LIAS: variants seen among roughly 807,000 people sequenced by gnomAD.
LIAS encodes the protein lipoyl synthase, mitochondrial.
In LIAS, 36 loss-of-function variants were observed where a neutral mutation model predicts 49.4. The ratio of observed to expected loss-of-function variants is 0.73; its 90% CI spans 0.56 to 0.96. The LOEUF (loss-of-function observed/expected upper bound fraction) is 0.96. Among genes scored for constraint, LIAS ranks in the 40% least tolerant of loss-of-function variants. The pLI is 0.00. For missense variants in LIAS, 399 were observed against 456.3 expected (o/e 0.87, Z 1.14); for synonymous variants, 145 against 155.8 (o/e 0.93, Z 0.52).
chr4:39,459,090 C>T lies in LIAS; in HGVS notation c.-28C>T, dbSNP rs776875932. The T allele has an allele frequency of 1.3e-5, 21 of 1,613,978 alleles. No individual in the cohort carries two copies. The highest frequency in any genetic ancestry group is 1.6e-5 in the Non-Finnish European group (19 of 1,179,858). ...CCCGGGAGTTAGCGATCCCTCAACC[C>T]CTGCACTGCGCTAGTCCTAAAGAGG... On this transcript the variant is annotated 5_prime_UTR_variant, in exon 1 of 11. Transcript: ENST00000640888.
chr4:39,471,817 C>T (rs747377133), intron 9 of LIAS, among the ~76,000 whole-genome samples: 10 of 151,940 alleles, frequency 6.6e-5, no homozygotes, highest in South Asian at 2.1e-4. Context: ...CGTGAGCCAC[C>T]GCACCCAGCC....
At chr4:39,473,079 G>A (rs1221385655) in intron 9 of LIAS, 21 bp from the exon 10 acceptor site, 5 of 1,352,044 alleles carry the variant, frequency 3.7e-6, no homozygotes, top group Non-Finnish European at 5.3e-6. Flanking sequence ...AATCTGATCA[G>A]AAGTAATTAT....
At chr4:39,470,894 G>A (rs537631636) in intron 8 of LIAS, among the ~76,000 whole-genome samples, 1 of 151,952 alleles carries the variant, frequency 6.6e-6, no homozygotes, top group Admixed American at 6.6e-5. Context: ...TAATATAGGT[G>A]CATTGAGGTT....
chr4:39,470,373 A>C (rs1744937294), intron 8 of LIAS, among the ~76,000 whole-genome samples: 1 of 151,928 alleles, frequency 6.6e-6, no homozygotes. Flanking sequence ...TTGGAATTTC[A>C]TGGAGTGATA....
chr4:39,459,854 C>G (rs1350518381), intron 1 of LIAS, among the ~76,000 whole-genome samples: 1 of 151,716 alleles, frequency 6.6e-6, no homozygotes, highest in Non-Finnish European at 1.5e-5. Context: ...CAGCTACTCG[C>G]CAGGCTGAGG....
At chr4:39,465,844 A>C (rs891194258) in intron 6 of LIAS, among the ~76,000 whole-genome samples, 4 of 151,998 alleles carry the variant, frequency 2.6e-5, no homozygotes, top group Non-Finnish European at 5.9e-5. Context: ...CTTTTAGTAG[A>C]GATAGGGTTT....
chr4:39,459,250 A>G (rs1366632674), intron 1 of LIAS, 88 bp downstream of exon 1: 1 of 1,213,606 alleles, frequency 8.2e-7, no homozygotes, highest in African/African-American at 1.5e-5. Flanking sequence ...AGGCCAGTGC[A>G]TTTACTGAAC....
chr4:39,471,736 G>A (rs527464539), intron 9 of LIAS, among the ~76,000 whole-genome samples: 3 of 150,588 alleles, frequency 2.0e-5, no homozygotes, highest in African/African-American at 7.4e-5. Flanking sequence ...ATGTTGCCCA[G>A]GCTGGTCTCG....
intron 2 of LIAS, among the ~76,000 whole-genome samples, chr4:39,461,344 A>G (rs1744490078): frequency 6.6e-6 from 1 of 152,206 alleles, no homozygotes; most frequent in African/African-American, 2.4e-5. Context: ...TAAAAGAATG[A>G]TGGAATTTTA....
rs2125314 is a variant in LIAS, at chr4:39,471,222, T to A, written c.884-14T>A. ...AAGTATTTGCTAATGTAATTTGTGC[T>A]TTTCTTCCTACAGCACTTCGTGAGG... On this transcript the variant is annotated splice_polypyrimidine_tract_variant and intron_variant, in intron 8 of 10. Transcript: ENST00000640888. 564,997 of 1,588,504 alleles carry A rather than the reference T, an allele frequency of 0.36. 104,440 individuals are homozygous for A. The highest frequency in any genetic ancestry group is 0.44 in the South Asian group (39,645 of 89,586).
rs781634537 is a variant in LIAS at position 39,460,798 on chromosome 4, G to A, written c.54G>A (p.Gly18=). ...ATTAACTCTTTCTTTAGGTATTTGGGAGATATTTTTGCAGCCCAGTCAGAC... is the reference window on the plus strand; with the variant it reads ...ATTAACTCTTTCTTTAGGTATTTGGAAGATATTTTTGCAGCCCAGTCAGAC... ...AARTLGPRVF[G]RYFCSPVRPL... is the part of the protein sequence containing the mutation. The change falls in exon 2 of 11, where the codon GGG becomes GGA. Residue 18 remains glycine, a synonymous_variant. Coordinates refer to ENST00000640888, the MANE Select transcript of LIAS (RefSeq NM_006859.4). 4 of 1,573,052 alleles carry A rather than the reference G, an allele frequency of 2.5e-6. No homozygotes were observed. The South Asian group carries it at 3.6e-5, about 14-fold the overall frequency.
At position 39,465,323 on chromosome 4, in the gene LIAS, G is replaced by C. The variant is rs143321910; in HGVS notation, c.589G>C (p.Val197Leu). 6.2e-7 allele frequency: 1 copy of C among 1,610,392 alleles called. No homozygotes were observed. The highest frequency in any genetic ancestry group is 1.1e-5 in the South Asian group (1 of 90,136). ...GGGAGCTGAACACATTGCAAAGACC[G>C]TATCATATTTAAAGGAAAGGTACTT... is the stretch of plus-strand genomic sequence containing the variant. ...DGGAEHIAKTVSYLKERNPKI... is the reference protein window; with the variant it reads ...DGGAEHIAKTLSYLKERNPKI... The change falls in exon 6 of 11, where the codon GTA becomes CTA. Residue 197 changes from valine (V) to leucine (L), a missense_variant. Physicochemically the swap from Val to Leu is conservative, Grantham distance 32 (BLOSUM62 1). Transcript: ENST00000640888.
intron 7 of LIAS, chr4:39,468,431 A>G (rs1052690118): frequency 4.0e-5 from 6 of 150,748 alleles, no homozygotes; most frequent in Admixed American, 2.7e-4. Flanking sequence ...CAGTGAGGTG[A>G]GATTGCGCCA....
chr4:39,470,331 TAA>T (rs33923717), intron 8 of LIAS, among the ~76,000 whole-genome samples, 167 bp downstream of exon 8: 2 of 141,320 alleles, frequency 1.4e-5, no homozygotes, highest in East Asian at 2.0e-4. Context: ...AAATACAAGT[TAA>T]AAAAAAAAAA....
intron 9 of LIAS, among the ~76,000 whole-genome samples, chr4:39,472,459 G>A (rs560823471): frequency 3.6e-4 from 55 of 152,250 alleles, no homozygotes; most frequent in Non-Finnish European, 2.1e-4. Flanking sequence ...AATCAGCTAC[G>A]TTTGCACATA....
At chr4:39,467,125 TCA>T in intron 6 of LIAS, 1 of 152,532 alleles carries the variant, frequency 6.6e-6, no homozygotes, top group African/African-American at 2.4e-5. Context: ...CAAATAATAC[TCA>T]CATTTATATA....
intron 1 of LIAS, among the ~76,000 whole-genome samples, chr4:39,460,226 A>G (rs1744395794): frequency 6.6e-6 from 1 of 152,162 alleles, no homozygotes; most frequent in East Asian, 1.9e-4. Flanking sequence ...AAAGTGTGAT[A>G]TATGTTAGTT....
In LIAS at chr4:39,462,289, A is replaced by C. The variant is rs749254524; in HGVS notation, c.312A>C (p.Thr104=). The part of the protein sequence containing the change: ...KNTLRNLNLH[T]VCEEARCPNI... ...CTTTGCGGAATTTAAATCTCCATAC[A>C]GTAAGTTGTCAAAGTGTAAACTATC... is the stretch of plus-strand genomic sequence containing the variant. The change falls in exon 3 of 11, where the codon ACA becomes ACC. Residue 104 remains threonine (T), a splice_region_variant and synonymous_variant. Coordinates refer to ENST00000640888, the MANE Select transcript of LIAS (RefSeq NM_006859.4). The C allele has an allele frequency of 2.7e-6, 4 of 1,495,518 alleles. No individual in the cohort carries two copies. In the African/African-American group the frequency reaches 5.7e-5, roughly 21 times the overall value. The allele number at this position is 1,495,518 out of a possible 1,614,324, so 92.6% of individuals were successfully genotyped here.
intron 6 of LIAS, 77 bp from the exon 7 acceptor site, chr4:39,467,441 T>C: frequency 7.1e-7 from 1 of 1,399,096 alleles, no homozygotes; most frequent in Non-Finnish European, 9.6e-7. Context: ...ACTGAACGAT[T>C]ACTGATAATT....
Sources: gnomAD v4.1 joint callset for allele counts (sites outside exome capture counted in the v4.1 genomes callset) on GRCh38, gnomAD v4.1.1 for gene constraint, MANE v1.5 for transcripts, NCBI Gene and HGNC (gene_info 2026-07-23, HGNC 2026-07-21) for gene names.